IFT81: variants seen among roughly 807,000 people sequenced by gnomAD.
IFT81 encodes intraflagellar transport 81.
In IFT81, 72 loss-of-function variants were observed where a neutral mutation model predicts 102.6. The ratio of observed to expected loss-of-function variants is 0.70; its 90% CI spans 0.58 to 0.85. IFT81 has a LOEUF of 0.85. Among genes scored for constraint, IFT81 ranks in the 40% least tolerant of loss-of-function variants. The probability of loss-of-function intolerance (pLI) is 0.00; values close to 1 mark genes in which losing one functional copy is unlikely to be tolerated. For synonymous variants in IFT81, 237 were observed against 242.7 expected (o/e 0.98, Z 0.22); for missense variants, 723 against 787.3 (o/e 0.92, Z 0.98).
At chr12:110,189,268 T>C (rs1422802318) in intron 12 of IFT81, among the ~76,000 whole-genome samples, 3 of 152,178 alleles carry the variant, frequency 2.0e-5, no homozygotes, top group Non-Finnish European at 4.4e-5. Flanking sequence ...CCCCCTCTTA[T>C]ATTGTGACAA....
chr12:110,136,365 T>A (rs1394351984), intron 7 of IFT81, among the ~76,000 whole-genome samples: 1 of 152,236 alleles, frequency 6.6e-6, no homozygotes, highest in Non-Finnish European at 1.5e-5. Context: ...ATCGAAGTAG[T>A]TTCACTGCAG....
intron 14 of IFT81, among the ~76,000 whole-genome samples, chr12:110,199,595 C>T (rs1898169838): frequency 6.6e-6 from 1 of 152,200 alleles, no homozygotes; most frequent in South Asian, 2.1e-4. Context: ...AAGAGACCAG[C>T]AGCTACCTAA....
Position 110,205,480 on chromosome 12 carries a change from A to G in IFT81, c.1682A>G (p.Glu561Gly), listed in dbSNP as rs771752981. 5 of 1,604,144 alleles carry G rather than the reference A, an allele frequency of 3.1e-6. No homozygotes were observed. The South Asian group carries it at 5.6e-5, about 18-fold the overall frequency. The change falls in exon 16 of 19, where the codon GAA becomes GGA. Residue 561 changes from glutamate to glycine, a missense_variant. Coordinates refer to ENST00000242591, the MANE Select transcript of IFT81 (RefSeq NM_014055.4). Reference sequence around the variant, plus strand: ...CTCCGTGAAGAATGTCTTCAAGAAGAAAGTAGATACCATTATACAAATTGT... The same window carrying G: ...CTCCGTGAAGAATGTCTTCAAGAAGGAAGTAGATACCATTATACAAATTGT... ...RRLREECLQE[E>G]SRYHYTNCMI... is the part of the protein sequence containing the mutation.
intron 10 of IFT81, among the ~76,000 whole-genome samples, chr12:110,159,377 T>C (rs1477079246): frequency 6.6e-6 from 1 of 152,084 alleles, no homozygotes; most frequent in Non-Finnish European, 1.5e-5. Context: ...GGCAGATTGC[T>C]TGAGCCTGGT....
At chr12:110,134,782 C>A (rs1331345452) in intron 5 of IFT81, among the ~76,000 whole-genome samples, 166 bp from the exon 6 acceptor site, 1 of 152,000 alleles carries the variant, frequency 6.6e-6, no homozygotes, top group East Asian at 1.9e-4. Context: ...CATAAGAAGC[C>A]CTGGGGGAAA....
intron 11 of IFT81, among the ~76,000 whole-genome samples, chr12:110,178,355 A>G (rs1361715100): frequency 6.7e-6 from 1 of 149,944 alleles, no homozygotes; most frequent in Non-Finnish European, 1.5e-5. Context: ...TGGAGGTTGC[A>G]GTGAGGGGAG....
At chr12:110,202,661 G>T (rs575088035) in intron 14 of IFT81, among the ~76,000 whole-genome samples, 13 of 148,544 alleles carry the variant, frequency 8.8e-5, no homozygotes, top group Non-Finnish European at 1.6e-4. Context: ...TACCATGTTG[G>T]CCAGGATGGT....
In IFT81 at chr12:110,192,693, G is replaced by A. The variant is rs201576388; in HGVS notation, c.1544G>A (p.Arg515His). The stretch of plus-strand genomic sequence containing the variant: ...GTTATAAAAGAGCTACGACAGTTGC[G>A]TCAAAAATATCAAGTAAGTTTTTGA... Reference protein sequence around the residue: ...ASVIKELRQLRQKYQELTQEC... With the variant: ...ASVIKELRQLHQKYQELTQEC... The change falls in exon 14 of 19, where the codon CGT becomes CAT. Residue 515 changes from arginine (R) to histidine (H), a missense_variant. Arg to His is a conservative substitution (Grantham distance 29, BLOSUM62 0). Coordinates refer to ENST00000242591, the MANE Select transcript of IFT81 (RefSeq NM_014055.4). 9.4e-5 allele frequency: 148 copies of A among 1,566,600 alleles called. No homozygotes were observed. Among genetic ancestry groups the A allele is most frequent in the Non-Finnish European group, 1.2e-4 (140 of 1,150,324 alleles).
intron 14 of IFT81, among the ~76,000 whole-genome samples, chr12:110,200,461 TA>T (rs1418085264): frequency 2.0e-5 from 3 of 152,112 alleles, no homozygotes; most frequent in Non-Finnish European, 4.4e-5. Context: ...TGGTATGCTT[TA>T]TAGGGAACTT....
intron 11 of IFT81, among the ~76,000 whole-genome samples, chr12:110,176,121 C>T (rs1897024634): frequency 6.6e-6 from 1 of 152,078 alleles, no homozygotes; most frequent in African/African-American, 2.4e-5. Context: ...GTTTCCTCAG[C>T]CCCTAATCCC....
chr12:110,209,202 G>A lies in IFT81; in HGVS notation c.1834G>A (p.Glu612Lys). 1 of 1,541,500 alleles carries A rather than the reference G, an allele frequency of 6.5e-7. No homozygotes were observed. The highest frequency in any genetic ancestry group is 1.4e-5 in the African/African-American group (1 of 73,286). Residue 612 changes from glutamate to lysine, a missense_variant, in exon 18 of 19, where the codon GAA becomes AAA. By Grantham distance (56) the Glu-to-Lys change is moderately conservative. Coordinates refer to ENST00000242591, the MANE Select transcript of IFT81 (RefSeq NM_014055.4). ...EQYTKNTAEQ[E>K]NLGKKLREKQ... is the part of the protein sequence containing the mutation. ...GTATACCAAAAATACTGCTGAACAA[G>A]AAAACCTTGGAAAGGTAAGAATTAT...
At chr12:110,140,235 C>T (rs1186439731) in intron 8 of IFT81, among the ~76,000 whole-genome samples, 1 of 152,160 alleles carries the variant, frequency 6.6e-6, no homozygotes, top group Non-Finnish European at 1.5e-5. Flanking sequence ...AAGCTCCGCA[C>T]ACATTAAGTA....
At chr12:110,187,394 G>A (rs566599739) in intron 12 of IFT81, among the ~76,000 whole-genome samples, 1 of 152,218 alleles carries the variant, frequency 6.6e-6, no homozygotes, top group East Asian at 1.9e-4. Flanking sequence ...CTCCTGAGTA[G>A]CTGGGACTAC....
chr12:110,128,930 T>C lies in IFT81; in HGVS notation c.249-20T>C. ...ACCGTTAAGTGCGTGTGTGTTTGTG[T>C]ATGTGTGTTTCTCTCTTAGGAGTAC... On this transcript the variant is annotated intron_variant, in intron 3 of 18. Coordinates refer to ENST00000242591, the MANE Select transcript of IFT81 (RefSeq NM_014055.4). 6.2e-7 allele frequency: 1 copy of C among 1,600,836 alleles called. No individual in the cohort carries two copies. The highest frequency in any genetic ancestry group is 8.5e-7 in the Non-Finnish European group (1 of 1,170,384).
At chr12:110,144,183 T>G (rs974192242) in intron 9 of IFT81, among the ~76,000 whole-genome samples, 7 of 151,388 alleles carry the variant, frequency 4.6e-5, no homozygotes, top group Non-Finnish European at 1.0e-4. Context: ...CGGCTAATTT[T>G]TTGTTGTTGT....
At chr12:110,185,336 C>T (rs1269025010) in intron 12 of IFT81, among the ~76,000 whole-genome samples, 1 of 152,010 alleles carries the variant, frequency 6.6e-6, no homozygotes, top group Non-Finnish European at 1.5e-5. Context: ...CAGGAGTGTG[C>T]CACTATGCCC....
At chr12:110,150,470 T>G (rs917332411) in intron 10 of IFT81, among the ~76,000 whole-genome samples, 11 of 152,320 alleles carry the variant, frequency 7.2e-5, no homozygotes, top group Non-Finnish European at 1.5e-4. Context: ...ACACCATCAG[T>G]GCATACTAAT....
At chr12:110,189,888 G>A (rs1217868457) in intron 12 of IFT81, among the ~76,000 whole-genome samples, 1 of 151,938 alleles carries the variant, frequency 6.6e-6, no homozygotes, top group Middle Eastern at 3.4e-3. Flanking sequence ...CTAATTTGTC[G>A]CATTATCTTG....
chr12:110,129,416 G>C (rs1409639497), intron 4 of IFT81, among the ~76,000 whole-genome samples: 1 of 151,894 alleles, frequency 6.6e-6, no homozygotes, highest in Non-Finnish European at 1.5e-5. Context: ...AGAATCCTGG[G>C]TTAAGTCTGC....
Sources: gnomAD v4.1 joint callset for allele counts (sites outside exome capture counted in the v4.1 genomes callset) on GRCh38, gnomAD v4.1.1 for gene constraint, MANE v1.5 for transcripts, NCBI Gene and HGNC (gene_info 2026-07-23, HGNC 2026-07-21) for gene names.